The following FSTL5 variants were observed in gnomAD, a reference collection of about 807,000 sequenced individuals.
FSTL5 encodes follistatin like 5.
FSTL5 carries 62 observed loss-of-function variants against 89.1 expected under a neutral mutation model. The observed-to-expected ratio is 0.70, with a 90% CI of 0.57 to 0.86. The LOEUF (loss-of-function observed/expected upper bound fraction) is 0.86. FSTL5 is among the 40% of genes least tolerant of loss of function. FSTL5 has a pLI of 0.00. For missense variants in FSTL5, 1,057 were observed against 1,001.6 expected, an observed-to-expected ratio of 1.06 and a Z score of -0.75; for synonymous variants, 383 against 346.2, an observed-to-expected ratio of 1.11 and a Z score of -1.18.
chr4:162,154,060 G>T (rs2110742016), intron 1 of FSTL5, among the ~76,000 whole-genome samples: 1 of 151,784 alleles, frequency 6.6e-6, no homozygotes, highest in Non-Finnish European at 1.5e-5. Context: ...ACTCGCTTCG[G>T]CCTCCCAAAG....
intron 2 of FSTL5, among the ~76,000 whole-genome samples, chr4:162,058,626 A>G (rs530982708): frequency 1.0e-3 from 155 of 151,874 alleles, no homozygotes; most frequent in African/African-American, 3.5e-3. Context: ...ACGGGGTTTC[A>G]CCATGTTGGC....
chr4:161,866,485 T>TGTGTGC (rs1732095283), intron 4 of FSTL5, among the ~76,000 whole-genome samples: 1 of 150,716 alleles, frequency 6.6e-6, no homozygotes, highest in Non-Finnish European at 1.5e-5. Flanking sequence ...TGTGTGTGTG[T>TGTGTGC]GTGTGTGTGT....
Position 161,438,754 on chromosome 4 carries a change from GATTA to G in FSTL5, c.1841+16246_1841+16249del, listed in dbSNP as rs768654919. Among the ~76,000 whole-genome samples, 6 of 151,926 alleles carry G rather than the reference GATTA, an allele frequency of 3.9e-5. No individual in the cohort carries two copies. In the East Asian group the frequency reaches 1.2e-3, roughly 29 times the overall value. ...ATGAAGTAACTATGATATTGCAAAT[GATTA>G]ATTTTTTTACAAACTAACTATTATA... On this transcript the variant is annotated intron_variant, in intron 15 of 15. Coordinates refer to ENST00000306100, the MANE Select transcript of FSTL5 (RefSeq NM_020116.5).
At chr4:161,938,512 T>C (rs1049614608) in intron 3 of FSTL5, among the ~76,000 whole-genome samples, 3 of 152,072 alleles carry the variant, frequency 2.0e-5, no homozygotes, top group African/African-American at 4.8e-5. Context: ...GAATTGTTTC[T>C]ATGAGAAATA....
At chr4:162,058,296 C>T (rs143843828) in intron 2 of FSTL5, among the ~76,000 whole-genome samples, 29 of 151,892 alleles carry the variant, frequency 1.9e-4, no homozygotes, top group African/African-American at 6.3e-4. Flanking sequence ...AACTGGAAAC[C>T]GCTATATTCT....
At chr4:161,879,917 CA>C (rs1454369854) in intron 4 of FSTL5, among the ~76,000 whole-genome samples, 1 of 152,166 alleles carries the variant, frequency 6.6e-6, no homozygotes. Flanking sequence ...TCCATGGGAG[CA>C]ACAGAATTTT....
At chr4:161,694,544 A>T (rs1281298477) in intron 6 of FSTL5, among the ~76,000 whole-genome samples, 2 of 151,978 alleles carry the variant, frequency 1.3e-5, no homozygotes, top group Non-Finnish European at 2.9e-5. Context: ...AGTTTTCTTA[A>T]GCTCTTTGAA....
chr4:161,992,705 G>A (rs1372191098), intron 3 of FSTL5, among the ~76,000 whole-genome samples: 1 of 150,990 alleles, frequency 6.6e-6, no homozygotes, highest in Non-Finnish European at 1.5e-5. Flanking sequence ...TTAGCTGGGA[G>A]TGGTGGTGCG....
intron 1 of FSTL5, among the ~76,000 whole-genome samples, chr4:162,136,283 A>C (rs1038517239): frequency 6.6e-6 from 1 of 152,126 alleles, no homozygotes; most frequent in Admixed American, 6.6e-5. Flanking sequence ...GTCATACCGA[A>C]GTGGGCAAGA....
At chr4:161,895,855 A>G (rs1733141939) in intron 4 of FSTL5, among the ~76,000 whole-genome samples, 1 of 152,184 alleles carries the variant, frequency 6.6e-6, no homozygotes, top group Non-Finnish European at 1.5e-5. Context: ...ATTCAAAATC[A>G]GTATTCAGGA....
chr4:161,783,997 G>A (rs896932716), intron 4 of FSTL5, among the ~76,000 whole-genome samples: 3 of 150,740 alleles, frequency 2.0e-5, no homozygotes, highest in Admixed American at 6.6e-5. Context: ...GTGCGGTGGC[G>A]TGATCTCGGC....
chr4:161,732,922 A>C (rs1267499539), intron 6 of FSTL5, among the ~76,000 whole-genome samples: 1 of 151,402 alleles, frequency 6.6e-6, no homozygotes, highest in African/African-American at 2.4e-5. Context: ...ATTAGATATT[A>C]ATTCTTCAGC....
At chr4:161,987,605 AAT>A (rs1180471597) in intron 3 of FSTL5, among the ~76,000 whole-genome samples, 1 of 147,572 alleles carries the variant, frequency 6.8e-6, no homozygotes, top group Non-Finnish European at 1.5e-5. Context: ...TATATAATGA[AAT>A]ATATATAATA....
chr4:161,953,460 C>T (rs542816343), intron 3 of FSTL5, among the ~76,000 whole-genome samples: 26 of 151,570 alleles, frequency 1.7e-4, no homozygotes, highest in South Asian at 6.2e-4. Flanking sequence ...TTGCTTTATG[C>T]GCAAGATATT....
intron 1 of FSTL5, among the ~76,000 whole-genome samples, chr4:162,157,259 A>G (rs998045795): frequency 6.6e-6 from 1 of 152,184 alleles, no homozygotes. Flanking sequence ...TTAAATATTT[A>G]TAAATTTTTA....
chr4:161,685,111 C>T (rs1326748420), intron 6 of FSTL5, among the ~76,000 whole-genome samples: 1 of 152,014 alleles, frequency 6.6e-6, no homozygotes, highest in Non-Finnish European at 1.5e-5. Flanking sequence ...GTCTTTATGC[C>T]TATTTTTATA....
rs574282971 is a variant in FSTL5, at chr4:161,574,966, C to T, written c.1015+12489G>A. ...AACAACTAATTTACACTCCTACCAACGTGTAAAAGCATTTCTATTTCTCCA... is the reference window on the plus strand; with the variant it reads ...AACAACTAATTTACACTCCTACCAATGTGTAAAAGCATTTCTATTTCTCCA... On this transcript the variant is annotated intron_variant, in intron 8 of 15. Coordinates refer to ENST00000306100, the MANE Select transcript of FSTL5 (RefSeq NM_020116.5). Among the ~76,000 whole-genome samples the T allele has an allele frequency of 3.4e-4, 52 of 152,276 alleles. 1 individual carries two copies. The highest frequency in any genetic ancestry group is 1.3e-3 in the Admixed American group (20 of 15,292).
intron 15 of FSTL5, among the ~76,000 whole-genome samples, chr4:161,411,302 T>G (rs779330039): frequency 6.6e-6 from 1 of 151,876 alleles, no homozygotes; most frequent in South Asian, 2.1e-4. Flanking sequence ...TTCAAACAAT[T>G]GAGAAGGAGG....
At chr4:161,697,797 A>T (rs1426055723) in intron 6 of FSTL5, among the ~76,000 whole-genome samples, 2 of 152,186 alleles carry the variant, frequency 1.3e-5, no homozygotes, top group South Asian at 2.1e-4. Flanking sequence ...AAGTCAAAAA[A>T]GTTGATCTCT....
Sources: gnomAD v4.1 joint callset for allele counts (sites outside exome capture counted in the v4.1 genomes callset) on GRCh38, gnomAD v4.1.1 for gene constraint, MANE v1.5 for transcripts, NCBI Gene and HGNC (gene_info 2026-07-23, HGNC 2026-07-21) for gene names.